The following DNM3 variants were observed in gnomAD, a reference collection of about 807,000 sequenced individuals.
DNM3 encodes the protein dynamin 3.
In DNM3, 47 loss-of-function variants were observed where a neutral mutation model predicts 101.6. That is an observed-to-expected ratio of 0.46 (90% CI 0.37 to 0.59). The LOEUF is 0.59. Among genes scored for constraint, DNM3 ranks in the 20% least tolerant of loss-of-function variants. The pLI, the probability that DNM3 is intolerant of heterozygous loss-of-function variation, is 0.00. For missense variants in DNM3, 849 were observed against 1,085.7 expected, an observed-to-expected ratio of 0.78 and a Z score of 3.06; for synonymous variants, 385 against 387.9, an observed-to-expected ratio of 0.99 and a Z score of 0.09.
At chr1:172,314,613 C>T (rs566689956) in intron 16 of DNM3, among the ~76,000 whole-genome samples, 22 of 152,328 alleles carry the variant, frequency 1.4e-4, no homozygotes, top group Non-Finnish European at 2.4e-4. Flanking sequence ...GAGGGTCCTA[C>T]GCCCACGGAG....
chr1:171,912,066 A>C (rs1327809507), intron 1 of DNM3, among the ~76,000 whole-genome samples: 2 of 152,140 alleles, frequency 1.3e-5, no homozygotes, highest in Non-Finnish European at 2.9e-5. Flanking sequence ...AGCAAAACCC[A>C]GCTCAGTTTG....
At chr1:172,037,033 G>A (rs1448063078) in intron 6 of DNM3, among the ~76,000 whole-genome samples, 1 of 152,108 alleles carries the variant, frequency 6.6e-6, no homozygotes, top group Non-Finnish European at 1.5e-5. Context: ...CAAAAAACAT[G>A]AAAAAATGCT....
In DNM3 at chr1:172,132,888, G is replaced by A. The variant is rs144146520; in HGVS notation, c.1659+1600G>A. 4.9e-4 allele frequency: 456 copies of A among 922,882 alleles called. No individual in the cohort carries two copies. The African/African-American group carries it at 6.5e-3, about 13-fold the overall frequency. The allele number at this position is 922,882 out of a possible 1,614,324, so 57.2% of individuals were successfully genotyped here. A position where few individuals can be genotyped will look rare whatever the true frequency, so the allele number is the denominator to read the frequency against. The stretch of plus-strand genomic sequence containing the variant: ...CTACAGGACTATTTTCCTTATTGCA[G>A]AACATTTAGTCTTGGCGAGGATAAC... On this transcript the variant is annotated intron_variant, in intron 14 of 20. Coordinates refer to ENST00000627582, the MANE Select transcript of DNM3 (RefSeq NM_015569.5).
At chr1:171,985,230 A>G (rs547410988) in intron 2 of DNM3, among the ~76,000 whole-genome samples, 2 of 152,198 alleles carry the variant, frequency 1.3e-5, no homozygotes, top group Non-Finnish European at 2.9e-5. Flanking sequence ...ATGGCATTGA[A>G]AAAAACACAG....
chr1:172,355,279 G>T (rs1468894208), intron 17 of DNM3, among the ~76,000 whole-genome samples: 1 of 151,886 alleles, frequency 6.6e-6, no homozygotes, highest in Non-Finnish European at 1.5e-5. Context: ...AGTAAGTCAA[G>T]AGAATAACAA....
chr1:172,025,707 A>G (rs1178754423), intron 4 of DNM3, among the ~76,000 whole-genome samples: 1 of 152,240 alleles, frequency 6.6e-6, no homozygotes, highest in Non-Finnish European at 1.5e-5. Flanking sequence ...CCTGCAGCAG[A>G]GGGGCCTGAC....
chr1:172,366,963 C>T (rs954716437), intron 17 of DNM3, among the ~76,000 whole-genome samples: 14 of 151,702 alleles, frequency 9.2e-5, no homozygotes, highest in Admixed American at 4.6e-4. Context: ...GAAACCTTTG[C>T]GTGTCTTGAT....
chr1:172,151,676 A>T (rs1226679895), intron 14 of DNM3, among the ~76,000 whole-genome samples: 1 of 152,116 alleles, frequency 6.6e-6, no homozygotes, highest in African/African-American at 2.4e-5. Context: ...TTTGTACTTC[A>T]TTGAGAATAT....
intron 2 of DNM3, among the ~76,000 whole-genome samples, chr1:171,941,465 G>A (rs1185651831): frequency 6.6e-6 from 1 of 152,200 alleles, no homozygotes; most frequent in African/African-American, 2.4e-5. Context: ...TGCAACTGTA[G>A]AGTGAGGAAG....
At chr1:172,225,927 G>A (rs2061102209) in intron 14 of DNM3, among the ~76,000 whole-genome samples, 2 of 151,688 alleles carry the variant, frequency 1.3e-5, no homozygotes, top group Admixed American at 6.6e-5. Context: ...GATTCTTTCA[G>A]TCAAGAAAAC....
At chr1:171,966,340 C>T (rs371571854) in intron 2 of DNM3, among the ~76,000 whole-genome samples, 1 of 152,190 alleles carries the variant, frequency 6.6e-6, no homozygotes, top group African/African-American at 2.4e-5. Context: ...TGAAAGGTCT[C>T]TCACTAAGCA....
At chr1:172,213,876 A>G (rs2060601856) in intron 14 of DNM3, among the ~76,000 whole-genome samples, 1 of 152,110 alleles carries the variant, frequency 6.6e-6, no homozygotes, top group African/African-American at 2.4e-5. Flanking sequence ...TACCTCTAGA[A>G]ATGATTCTGC....
intron 15 of DNM3, among the ~76,000 whole-genome samples, chr1:172,304,017 T>C (rs1229251036): frequency 2.0e-5 from 3 of 150,548 alleles, no homozygotes; most frequent in Non-Finnish European, 4.4e-5. Flanking sequence ...AGGATCAGAG[T>C]CAGACATAAC....
chr1:172,093,546 A>T (rs1055018047), intron 13 of DNM3: 6 of 592,032 alleles, frequency 1.0e-5, no homozygotes, highest in Admixed American at 3.6e-5. Context: ...TATAGTTTTT[A>T]AAAAACTTTC....
intron 2 of DNM3, among the ~76,000 whole-genome samples, chr1:171,968,858 AG>A (rs1222689440): frequency 5.3e-5 from 8 of 152,212 alleles, no homozygotes; most frequent in Admixed American, 2.0e-4. Flanking sequence ...TGCTATATAA[AG>A]GTGCATTTCA....
rs975690132 is a variant in DNM3 at position 172,161,796 on chromosome 1, A to G, written c.1659+30508A>G. Among the ~76,000 whole-genome samples, 6 of 152,240 alleles carry G rather than the reference A, an allele frequency of 3.9e-5. No individual in the cohort carries two copies. The East Asian group carries it at 5.8e-4, about 15-fold the overall frequency. The stretch of plus-strand genomic sequence containing the variant: ...TCTTCTGAGGTAAAATAAACAAACT[A>G]GTATAAACTGCTACCAGAGACATAG... On this transcript the variant is annotated intron_variant, in intron 14 of 20. Transcript: ENST00000627582.
At chr1:172,013,520 G>A (rs527484148) in intron 4 of DNM3, among the ~76,000 whole-genome samples, 6 of 152,096 alleles carry the variant, frequency 3.9e-5, no homozygotes, top group African/African-American at 9.6e-5. Flanking sequence ...ACTATGCCCC[G>A]GTAGGGAAAA....
At chr1:172,021,986 G>C (rs887961569) in intron 4 of DNM3, among the ~76,000 whole-genome samples, 1 of 152,088 alleles carries the variant, frequency 6.6e-6, no homozygotes, top group Non-Finnish European at 1.5e-5. Flanking sequence ...GTCAAACTTA[G>C]TTCTGTAAAC....
intron 4 of DNM3, among the ~76,000 whole-genome samples, chr1:172,002,810 G>T (rs79744378): frequency 0.029 from 4,405 of 152,022 alleles, 128 homozygotes; most frequent in East Asian, 0.15. Flanking sequence ...TAAAAAGTAA[G>T]AACAAAAGAA....
Sources: gnomAD v4.1 joint callset for allele counts (sites outside exome capture counted in the v4.1 genomes callset) on GRCh38, gnomAD v4.1.1 for gene constraint, MANE v1.5 for transcripts, NCBI Gene and HGNC (gene_info 2026-07-23, HGNC 2026-07-21) for gene names.